CUL2: variants seen among roughly 807,000 people sequenced by gnomAD.
CUL2 encodes the protein cullin 2, also known as cullin-2.
In CUL2, 22 loss-of-function variants were observed where a neutral mutation model predicts 110.2. The ratio of observed to expected loss-of-function variants is 0.20; its 90% CI spans 0.14 to 0.28. The LOEUF (loss-of-function observed/expected upper bound fraction) is 0.28. Among genes scored for constraint, CUL2 ranks in the 10% least tolerant of loss-of-function variants. The pLI, the probability that CUL2 is intolerant of heterozygous loss-of-function variation, is 1.00. For missense variants in CUL2, 631 were observed against 905.5 expected (o/e 0.70, Z 3.89); for synonymous variants, 279 against 293.2 (o/e 0.95, Z 0.49).
chr10:35,073,795 G>A (rs368549649), intron 1 of CUL2, among the ~76,000 whole-genome samples: 3 of 151,728 alleles, frequency 2.0e-5, no homozygotes, highest in Non-Finnish European at 4.4e-5. Context: ...GTAGAGACAG[G>A]GTTTTTCACC....
chr10:35,063,108 A>G, intron 2 of CUL2, 46 bp from the exon 3 acceptor site: 1 of 1,089,482 alleles, frequency 9.2e-7, no homozygotes, highest in South Asian at 1.4e-5. Flanking sequence ...GACAATTTTA[A>G]AACATAATGA....
At chr10:35,109,707 G>A (rs538395664) in intron 1 of CUL2, among the ~76,000 whole-genome samples, 4 of 152,172 alleles carry the variant, frequency 2.6e-5, no homozygotes, top group Non-Finnish European at 4.4e-5. Flanking sequence ...GTGTGTTTGT[G>A]AAATAAAATG....
chr10:35,030,627 C>T (rs1249486103), intron 14 of CUL2, among the ~76,000 whole-genome samples: 1 of 152,212 alleles, frequency 6.6e-6, no homozygotes, highest in Non-Finnish European at 1.5e-5. Flanking sequence ...AAACAATCTA[C>T]ATGCCTTGGC....
chr10:35,087,813 T>A (rs1316886912), intron 1 of CUL2, among the ~76,000 whole-genome samples: 3 of 152,188 alleles, frequency 2.0e-5, no homozygotes, highest in African/African-American at 7.2e-5. Context: ...TCTTCTCCAA[T>A]CAACAGTCTG....
At chr10:35,057,845 G>A (rs953532961) in intron 4 of CUL2, among the ~76,000 whole-genome samples, 9 of 152,120 alleles carry the variant, frequency 5.9e-5, no homozygotes, top group Non-Finnish European at 8.8e-5. Flanking sequence ...TGTAATCCCA[G>A]CACTTTGGGA....
At chr10:35,062,750 T>A (rs988851618) in intron 3 of CUL2, among the ~76,000 whole-genome samples, 3 of 150,588 alleles carry the variant, frequency 2.0e-5, no homozygotes, top group Non-Finnish European at 3.0e-5. Context: ...GGTGGGAGGA[T>A]CACGTAAGCC....
chr10:35,082,751 A>G (rs910274026), intron 1 of CUL2, among the ~76,000 whole-genome samples: 3 of 152,254 alleles, frequency 2.0e-5, no homozygotes, highest in Admixed American at 2.0e-4. Flanking sequence ...TTTATCAAAT[A>G]AAAGAGAAAT....
At position 35,010,316 on chromosome 10, in the gene CUL2, C is replaced by T; in HGVS notation, c.2233G>A (p.Ala745Thr). 6.2e-7 allele frequency: 1 copy of T among 1,606,006 alleles called. No individual in the cohort carries two copies. The highest frequency in any genetic ancestry group is 8.5e-7 in the Non-Finnish European group (1 of 1,175,982). ...QASADEYSYV[A>T] ...CACGCTGGAGGAGAGCGACATCACG[C>T]GACGTAGCTGTATTCATCTGCCGAC... Residue 745 changes from alanine to threonine, a missense_variant, in exon 21 of 21, where the codon GCG (alanine) becomes ACG (threonine). Physicochemically the swap from Ala to Thr is moderately conservative, Grantham distance 58. Transcript: ENST00000374749.
At chr10:35,011,272 G>A (rs2084896249) in intron 20 of CUL2, among the ~76,000 whole-genome samples, 1 of 144,540 alleles carries the variant, frequency 6.9e-6, no homozygotes, top group Non-Finnish European at 1.5e-5. Flanking sequence ...AGGCTGGTCT[G>A]AAACTCCTGG....
At chr10:35,068,065 G>A (rs1050384041) in intron 2 of CUL2, among the ~76,000 whole-genome samples, 2 of 144,174 alleles carry the variant, frequency 1.4e-5, no homozygotes, top group Admixed American at 7.0e-5. Flanking sequence ...AGCCGAGATC[G>A]AGCCACTGCA....
At chr10:35,029,448 AATG>A (rs751182647) in intron 15 of CUL2, 37 bp downstream of exon 15, 13 of 1,327,688 alleles carry the variant, frequency 9.8e-6, no homozygotes, top group Non-Finnish European at 1.0e-6. Flanking sequence ...AACGTACTGA[AATG>A]ATTAGTAAAT....
At chr10:35,030,276 G>A (rs1057068127) in intron 14 of CUL2, among the ~76,000 whole-genome samples, 4 of 152,238 alleles carry the variant, frequency 2.6e-5, no homozygotes, top group Admixed American at 6.5e-5. Context: ...ACTGAGTGCT[G>A]AAGAAAACTA....
chr10:35,093,935 A>C (rs1204254287), upstream of CUL2, among the ~76,000 whole-genome samples: 1 of 152,020 alleles, frequency 6.6e-6, no homozygotes, highest in Admixed American at 6.6e-5. Flanking sequence ...TCATAAAAGC[A>C]TGCAATTTAT....
intron 2 of CUL2, chr10:35,064,257 C>T (rs1307156486): frequency 1.3e-5 from 2 of 152,034 alleles, no homozygotes; most frequent in East Asian, 3.9e-4. Context: ...ACTAAAGATG[C>T]AGATACAAAC....
chr10:35,076,988 C>T lies in CUL2; in HGVS notation c.-22-5649G>A, dbSNP rs368354967. 1.7e-4 allele frequency among the ~76,000 whole-genome samples: 26 copies of T among 152,096 alleles called. 1 individual carries two copies. The highest frequency in any genetic ancestry group is 5.8e-4 in the African/African-American group (24 of 41,468). On this transcript the variant is annotated intron_variant, in intron 1 of 20. Transcript: ENST00000374749. ...AATGGCGTGAACCCAGGAGGCGGAG[C>T]TTGCAATGAGCCGAGATAAAACTCC...
chr10:35,119,606 TTATA>T lies in CUL2; in HGVS notation c.-51+6995_-51+6998del, dbSNP rs1367484944. Among the ~76,000 whole-genome samples, 5 of 129,114 alleles carry T rather than the reference TTATA, an allele frequency of 3.9e-5. No individual in the cohort carries two copies. In the East Asian group the frequency reaches 1.1e-3, roughly 30 times the overall value. 84.7% of individuals were successfully genotyped at this position (129,114 alleles called of 152,430 possible). A position where few individuals can be genotyped will look rare whatever the true frequency, so the allele number is the denominator to read the frequency against. On this transcript the variant is annotated intron_variant, in intron 1 of 5. Coordinates refer to the CUL2 transcript ENST00000685421. ...TTTATTTATTTATTTATTTATTTAT[TTATA>T]GAGACAGGGTCTCACTCTGTTATCC...
At chr10:35,107,623 C>G (rs1164975321) in intron 1 of CUL2, among the ~76,000 whole-genome samples, 2 of 151,772 alleles carry the variant, frequency 1.3e-5, no homozygotes, top group Non-Finnish European at 2.9e-5. Context: ...TGGCTCATGC[C>G]TGTAATCCCA....
intron 1 of CUL2, among the ~76,000 whole-genome samples, chr10:35,087,196 C>A (rs760467598): frequency 6.6e-6 from 1 of 152,198 alleles, no homozygotes. Flanking sequence ...GTACTACAGG[C>A]GTGCGCCACC....
Position 35,015,456 on chromosome 10 carries a change from T to A in CUL2, c.1887+736A>T, listed in dbSNP as rs182359008. 6.6e-5 allele frequency among the ~76,000 whole-genome samples: 10 copies of A among 152,232 alleles called. No individual in the cohort carries two copies. The East Asian group carries it at 9.6e-4, about 15-fold the overall frequency. On this transcript the variant is annotated intron_variant, in intron 18 of 20. Transcript: ENST00000374749. Reference sequence around the variant, plus strand: ...CATAATCCTAGGGATGTCAGCAAAATGAATTAATGAGAGAAATAAACTGTA... The same window carrying A: ...CATAATCCTAGGGATGTCAGCAAAAAGAATTAATGAGAGAAATAAACTGTA...
Sources: gnomAD v4.1 joint callset for allele counts (sites outside exome capture counted in the v4.1 genomes callset) on GRCh38, gnomAD v4.1.1 for gene constraint, MANE v1.5 for transcripts, NCBI Gene and HGNC (gene_info 2026-07-23, HGNC 2026-07-21) for gene names.